The following OR2T10 variants were observed in gnomAD, a reference collection of about 807,000 sequenced individuals.
OR2T10 encodes the protein olfactory receptor family 2 subfamily T member 10, also known as olfactory receptor 2T10.
For missense variants in OR2T10, 335 were observed against 382.5 expected, an observed-to-expected ratio of 0.88 and a Z score of 1.04; for synonymous variants, 125 against 141.8, an observed-to-expected ratio of 0.88 and a Z score of 0.84.
In OR2T10 at chr1:248,593,061, CT is replaced by C; in HGVS notation, c.707del (p.Lys236ArgfsTer37). ...HKMNSVEGRKKAFTTCSSHIT... is the reference protein window; with the variant it reads ...HKMNSVEGRKXAFTTCSSHIT... ...TGTGGGAGGAGCAGGTGGTGAAGGC[CT>C]TTTTCCGACCCTCAACTGAGTTCAT... is the stretch of plus-strand genomic sequence containing the variant. On this transcript the variant is annotated frameshift_variant, in exon 2 of 2. Transcript: ENST00000642090. LOFTEE classifies it low-confidence loss of function (END_TRUNC). The C allele has an allele frequency of 1.3e-6, 2 of 1,571,602 alleles. No homozygotes were observed. Among genetic ancestry groups the C allele is most frequent in the Non-Finnish European group, 8.7e-7 (1 of 1,155,944 alleles).
rs772465576 is a variant in OR2T10 at position 248,592,839 on chromosome 1, A to C, written c.930T>G (p.Pro310=). ...TAAGTTCTTTCACACTTTAATATGG[A>C]GGTTTCTGCACGCTCAGCATTTTTT... ...ALKKMLSVQK[P]PY The change falls in exon 2 of 2, where the codon CCT becomes CCG. Residue 310 remains proline, a synonymous_variant. Coordinates refer to ENST00000642090, the MANE Select transcript of OR2T10 (RefSeq NM_001004693.2). 24 of 1,520,216 alleles carry C rather than the reference A, an allele frequency of 1.6e-5. 1 individual carries two copies. In the Admixed American group the frequency reaches 2.4e-4, roughly 15 times the overall value. 94.2% of individuals were successfully genotyped at this position (1,520,216 alleles called of 1,614,324 possible).
Position 248,592,960 on chromosome 1 carries a change from T to G in OR2T10, c.809A>C (p.Lys270Thr). 6.4e-7 allele frequency: 1 copy of G among 1,569,640 alleles called. No individual in the cohort carries two copies. Among genetic ancestry groups the G allele is most frequent in the Non-Finnish European group, 8.7e-7 (1 of 1,153,634 alleles). ...MLPSSYQTPE[K>T]DMMSSFFYTI... ...GTAGAAAAAGGATGACATCATATCTTTCTCAGGAGTTTGGTAGGAGCTGGG... is the reference window on the plus strand; with the variant it reads ...GTAGAAAAAGGATGACATCATATCTGTCTCAGGAGTTTGGTAGGAGCTGGG... Residue 270 changes from lysine (K) to threonine (T), a missense_variant, in exon 2 of 2, where the codon AAA becomes ACA. Physicochemically the swap from Lys to Thr is moderately conservative, Grantham distance 78. Coordinates refer to ENST00000642090, the MANE Select transcript of OR2T10 (RefSeq NM_001004693.2).
At chr1:248,596,424 G>A (rs1156705857) in intron 1 of OR2T10, among the ~76,000 whole-genome samples, 4 of 142,720 alleles carry the variant, frequency 2.8e-5, no homozygotes, top group Non-Finnish European at 6.1e-5. Context: ...GCTAGTCAGG[G>A]TGAGCATATC....
In OR2T10 at chr1:248,593,303, C is replaced by A; in HGVS notation, c.466G>T (p.Gly156Cys). ...SGCWFVGSVDGFMLTPIAMSF... is the reference protein window; with the variant it reads ...SGCWFVGSVDCFMLTPIAMSF... The stretch of plus-strand genomic sequence containing the variant: ...ATGGCGATGGGAGTGAGCATGAAGC[C>A]ATCCACTGAGCCCACAAACCAGCAG... Residue 156 changes from glycine (G) to cysteine (C), a missense_variant, in exon 2 of 2, where the codon GGC becomes TGC. Gly to Cys is a radical substitution (Grantham distance 159, BLOSUM62 -3). Coordinates refer to ENST00000642090, the MANE Select transcript of OR2T10 (RefSeq NM_001004693.2). The A allele has an allele frequency of 6.4e-7, 1 of 1,573,234 alleles. No homozygotes were observed. The highest frequency in any genetic ancestry group is 8.6e-7 in the Non-Finnish European group (1 of 1,156,854).
In OR2T10 at chr1:248,597,085, G is replaced by A. The variant is rs1203597264; in HGVS notation, c.-29+407C>T. 3.5e-5 allele frequency among the ~76,000 whole-genome samples: 5 copies of A among 143,754 alleles called. 1 individual carries two copies. The highest frequency in any genetic ancestry group is 7.5e-5 in the Non-Finnish European group (5 of 66,312). 94.3% of individuals were successfully genotyped at this position (143,754 alleles called of 152,430 possible). On this transcript the variant is annotated intron_variant, in intron 1 of 1. Coordinates refer to ENST00000642090, the MANE Select transcript of OR2T10 (RefSeq NM_001004693.2). ...TGCCTGGAAAAATATACCACCAGGAGGAAAAGGCTCAAGATCTGAAATCAG... is the reference window on the plus strand; with the variant it reads ...TGCCTGGAAAAATATACCACCAGGAAGAAAAGGCTCAAGATCTGAAATCAG...
At chr1:248,594,538 T>A (rs113831635) in intron 1 of OR2T10, among the ~76,000 whole-genome samples, 3 of 143,392 alleles carry the variant, frequency 2.1e-5, no homozygotes, top group African/African-American at 8.2e-5. Context: ...ATAATTTCCA[T>A]CAAGATGTTC....
At chr1:248,594,088 TTGTG>T (rs60527257) in intron 1 of OR2T10, among the ~76,000 whole-genome samples, 1 of 142,810 alleles carries the variant, frequency 7.0e-6, no homozygotes, top group Middle Eastern at 3.2e-3. Flanking sequence ...TGTTCACATT[TTGTG>T]TGTGTTAGTA....
Position 248,591,060 on chromosome 1 carries a change from G to A in OR2T10, c.*1770C>T, listed in dbSNP as rs28703884. 7.1e-6 allele frequency: 1 copy of A among 141,842 alleles called. No homozygotes were observed. The highest frequency in any genetic ancestry group is 1.5e-5 in the Non-Finnish European group (1 of 65,974). The allele number at this position is 141,842 out of a possible 1,614,324, so 8.8% of individuals were successfully genotyped here. ...TATTTTACTATCATTTTTTATAATT[G>A]GAGTTAGACTCAATCTACATCTAGT... On this transcript the variant is annotated 3_prime_UTR_variant, in exon 2 of 2. Transcript: ENST00000642090.
In OR2T10 at chr1:248,595,538, A is replaced by C. The variant is rs190810830; in HGVS notation, c.-28-1742T>G. Among the ~76,000 whole-genome samples the C allele has an allele frequency of 3.9e-4, 56 of 143,568 alleles. 9 individuals are homozygous for C. Among genetic ancestry groups the C allele is most frequent in the African/African-American group, 1.1e-3 (39 of 36,622 alleles). 94.2% of individuals were successfully genotyped at this position (143,568 alleles called of 152,430 possible). On this transcript the variant is annotated intron_variant, in intron 1 of 1. Coordinates refer to ENST00000642090, the MANE Select transcript of OR2T10 (RefSeq NM_001004693.2). ...ATACTTAGCAAAGGACACAGAAAGC[A>C]TAAGAGTAAAGTAATGCCAGTTTTT...
Position 248,592,531 on chromosome 1 carries a change from T to G in OR2T10, c.*299A>C, listed in dbSNP as rs1417177702. 8.5e-6 allele frequency: 2 copies of G among 235,160 alleles called. No homozygotes were observed. Among genetic ancestry groups the G allele is most frequent in the Non-Finnish European group, 1.6e-5 (2 of 124,132 alleles). The allele number at this position is 235,160 out of a possible 1,614,324, so 14.6% of individuals were successfully genotyped here. A position where few individuals can be genotyped will look rare whatever the true frequency, so the allele number is the denominator to read the frequency against. ...ATGATAGCAAAACAAATTTTCTCTG[T>G]GGTGGAAGGTGCTCAAGGGTCATAA... On this transcript the variant is annotated 3_prime_UTR_variant, in exon 2 of 2. Coordinates refer to ENST00000642090, the MANE Select transcript of OR2T10 (RefSeq NM_001004693.2).
rs1443811516 is a variant in OR2T10 at position 248,593,152 on chromosome 1, A to T, written c.617T>A (p.Met206Lys). The T allele has an allele frequency of 1.3e-6, 2 of 1,572,886 alleles. No individual in the cohort carries two copies. Among genetic ancestry groups the T allele is most frequent in the African/African-American group, 1.5e-5 (1 of 66,762 alleles). ...KIFMYLCCVI[M>K]LLIPVTVISV... ...AATGACCGTCACAGGTATCAGGAGC[A>T]TGATGACACAGCACAAGTACATGAA... The change falls in exon 2 of 2, where the codon ATG (methionine) becomes AAG (lysine). Residue 206 changes from methionine to lysine, a missense_variant. Transcript: ENST00000642090.
Position 248,593,738 on chromosome 1 carries a change from C to T in OR2T10, c.31G>A (p.Asp11Asn), listed in dbSNP as rs774622371. 20 of 1,564,182 alleles carry T rather than the reference C, an allele frequency of 1.3e-5. No individual in the cohort carries two copies. The highest frequency in any genetic ancestry group is 1.7e-5 in the Admixed American group (1 of 57,982). MRLANQTLGG[D>N]FFLLGIFSQI... ...CTGAAGATTCCCAACAGGAAAAAGT[C>T]ACCACCCAGGGTCTGGTTGGCCAGC... Residue 11 changes from aspartate to asparagine, a missense_variant, in exon 2 of 2, where the codon GAC becomes AAC. Physicochemically the swap from Asp to Asn is conservative, Grantham distance 23 (BLOSUM62 1). Transcript: ENST00000642090.
Position 248,593,044 on chromosome 1 carries a change from G to A in OR2T10, c.725C>T (p.Ser242Phe), listed in dbSNP as rs201461753. ...GAGGCTGACCACTGTAATGTGGGAG[G>A]AGCAGGTGGTGAAGGCCTTTTTCCG... ...EGRKKAFTTC[S>F]SHITVVSLFY... The change falls in exon 2 of 2, where the codon TCC (serine) becomes TTC (phenylalanine). Residue 242 changes from serine (S) to phenylalanine (F), a missense_variant. Physicochemically the swap from Ser to Phe is radical, Grantham distance 155 (BLOSUM62 -2). Transcript: ENST00000642090. The A allele has an allele frequency of 4.5e-6, 7 of 1,571,974 alleles. 1 individual carries two copies. Among genetic ancestry groups the A allele is most frequent in the Non-Finnish European group, 6.1e-6 (7 of 1,156,054 alleles).
Position 248,591,718 on chromosome 1 carries a change from T to C in OR2T10, c.*1112A>G, listed in dbSNP as rs890812144. On this transcript the variant is annotated 3_prime_UTR_variant, in exon 2 of 2. Coordinates refer to ENST00000642090, the MANE Select transcript of OR2T10 (RefSeq NM_001004693.2). Reference sequence around the variant, plus strand: ...CCACAAGACGTGGCACATGCAGTGGTCAGGGGCAGGGACTCCGGCCTGCCT... The same window carrying C: ...CCACAAGACGTGGCACATGCAGTGGCCAGGGGCAGGGACTCCGGCCTGCCT... 2 of 143,992 alleles carry C rather than the reference T, an allele frequency of 1.4e-5. No homozygotes were observed. The highest frequency in any genetic ancestry group is 5.4e-5 in the African/African-American group (2 of 36,718). The allele number at this position is 143,992 out of a possible 1,614,324, so 8.9% of individuals were successfully genotyped here. A position where few individuals can be genotyped will look rare whatever the true frequency, so the allele number is the denominator to read the frequency against.
intron 1 of OR2T10, among the ~76,000 whole-genome samples, chr1:248,595,584 T>G (rs1164159899): frequency 7.0e-6 from 1 of 143,234 alleles, no homozygotes; most frequent in African/African-American, 2.7e-5. Context: ...TTTCTTATGT[T>G]AAGAGACTTA....
At chr1:248,596,408 A>T (rs1295797317) in intron 1 of OR2T10, among the ~76,000 whole-genome samples, 1 of 142,962 alleles carries the variant, frequency 7.0e-6, no homozygotes, top group African/African-American at 2.8e-5. Context: ...AGTGAGATGG[A>T]CATGAGCTAG....
At position 248,590,983 on chromosome 1, in the gene OR2T10, T is replaced by A. The variant is rs539873558; in HGVS notation, c.*1847A>T. ...TATATTTCTGAGTTTACTTTTGAGATAATTTTTCTATGGCTGAAGAATTTT... is the reference window on the plus strand; with the variant it reads ...TATATTTCTGAGTTTACTTTTGAGAAAATTTTTCTATGGCTGAAGAATTTT... On this transcript the variant is annotated 3_prime_UTR_variant, in exon 2 of 2. Transcript: ENST00000642090. 1 of 144,044 alleles carries A rather than the reference T, an allele frequency of 6.9e-6. No individual in the cohort carries two copies. Among genetic ancestry groups the A allele is most frequent in the African/African-American group, 2.7e-5 (1 of 36,852 alleles). The allele number at this position is 144,044 out of a possible 1,614,324, so 8.9% of individuals were successfully genotyped here.
chr1:248,593,022 GCTGACCA>G lies in OR2T10; in HGVS notation c.740_746del (p.Val247AlafsTer24). 6.4e-7 allele frequency: 1 copy of G among 1,572,416 alleles called. No individual in the cohort carries two copies. Among genetic ancestry groups the G allele is most frequent in the Non-Finnish European group, 8.6e-7 (1 of 1,156,390 alleles). ...TGTAAATAGCAGCTCCATAGAAGAG[GCTGACCA>G]CTGTAATGTGGGAGGAGCAGGTGGT... On this transcript the variant is annotated frameshift_variant, in exon 2 of 2. Transcript: ENST00000642090. LOFTEE classifies it low-confidence loss of function (END_TRUNC).
At position 248,591,753 on chromosome 1, in the gene OR2T10, T is replaced by C. The variant is rs1660002933; in HGVS notation, c.*1077A>G. The C allele has an allele frequency of 7.0e-6, 1 of 143,810 alleles. No homozygotes were observed. Among genetic ancestry groups the C allele is most frequent in the Admixed American group, 6.8e-5 (1 of 14,776 alleles). 8.9% of individuals were successfully genotyped at this position (143,810 alleles called of 1,614,324 possible). A position where few individuals can be genotyped will look rare whatever the true frequency, so the allele number is the denominator to read the frequency against. The stretch of plus-strand genomic sequence containing the variant: ...GGACTCCGGCCTGCCTGCCTGGGCT[T>C]AAATCCCTGTTGAGCACTTTATAAG... On this transcript the variant is annotated 3_prime_UTR_variant, in exon 2 of 2. Transcript: ENST00000642090.
Sources: allele counts gnomAD v4.1 joint callset (sites outside exome capture counted in the v4.1 genomes callset), GRCh38; gene constraint gnomAD v4.1.1; transcripts MANE v1.5; gene names NCBI Gene and HGNC (gene_info 2026-07-23, HGNC 2026-07-21).